Variants in LIN7C observed in about 807,000 individuals in gnomAD.
The protein encoded by LIN7C is lin-7 cell polarity scaffold C.
A neutral mutation model predicts 24.7 loss-of-function variants in LIN7C; 17 were observed. That is an observed-to-expected ratio of 0.69 (90% CI 0.47 to 1.03). LIN7C has a LOEUF of 1.03. Among genes scored for constraint, LIN7C ranks in the 50% least tolerant of loss-of-function variants. The probability of loss-of-function intolerance (pLI) is 0.00; values close to 1 mark genes in which losing one functional copy is unlikely to be tolerated. For synonymous variants in LIN7C, 90 were observed against 83.4 expected (o/e 1.08, Z -0.43); for missense variants, 204 against 239.0 (o/e 0.85, Z 0.97).
chr11:27,500,057 G>A (rs973776417), intron 3 of LIN7C, among the ~76,000 whole-genome samples: 3 of 152,128 alleles, frequency 2.0e-5, no homozygotes, highest in Non-Finnish European at 4.4e-5. Context: ...GAATAATTTC[G>A]AGTTATGCAG....
At chr11:27,500,239 G>A (rs1361927936) in intron 3 of LIN7C, among the ~76,000 whole-genome samples, 1 of 152,120 alleles carries the variant, frequency 6.6e-6, no homozygotes, top group Admixed American at 6.5e-5. Flanking sequence ...GCAGCCCTGG[G>A]CTTTAGATCT....
In LIN7C at chr11:27,498,936, A is replaced by G. The variant is rs551840869; in HGVS notation, c.439-132T>C. 291 of 763,944 alleles carry G rather than the reference A, an allele frequency of 3.8e-4. 5 individuals are homozygous for G. The South Asian group carries it at 4.9e-3, about 13-fold the overall frequency. The allele number at this position is 763,944 out of a possible 1,614,324, so 47.3% of individuals were successfully genotyped here. ...TATATTATTCCAACATTACAAAACT[A>G]AGAAATAATCCTGCCTTACCATTTT... On this transcript the variant is annotated intron_variant, in intron 4 of 4. Transcript: ENST00000278193.
chr11:27,499,500 T>C lies in LIN7C; in HGVS notation c.297A>G (p.Thr99=). Reference sequence around the variant, plus strand: ...TAATATTGAATCCAAGGCCCTCTTCTGTTTTTGGTAGCTCAACAACTCGAG... The same window carrying C: ...TAATATTGAATCCAAGGCCCTCTTCCGTTTTTGGTAGCTCAACAACTCGAG... ...SHPRVVELPK[T]EEGLGFNIMG... is the part of the protein sequence containing the mutation. Residue 99 remains threonine, a synonymous_variant, in exon 4 of 5, where the codon ACA becomes ACG. Coordinates refer to ENST00000278193, the MANE Select transcript of LIN7C (RefSeq NM_018362.4). The C allele has an allele frequency of 1.2e-6, 2 of 1,614,240 alleles. No individual in the cohort carries two copies. The highest frequency in any genetic ancestry group is 2.2e-5 in the East Asian group (1 of 44,884).
chr11:27,500,963 T>C, intron 3 of LIN7C, among the ~76,000 whole-genome samples: 1 of 152,100 alleles, frequency 6.6e-6, no homozygotes, highest in African/African-American at 2.4e-5. Context: ...TCAAACCCCC[T>C]ATCATGAATA....
In LIN7C at chr11:27,499,539, T is replaced by G; in HGVS notation, c.258A>C (p.Glu86Asp). The G allele has an allele frequency of 3.1e-6, 5 of 1,614,224 alleles. No homozygotes were observed. The highest frequency in any genetic ancestry group is 4.2e-6 in the Non-Finnish European group (5 of 1,180,032). ...KATVAAFAAS[E>D]GHSHPRVVEL... ...CAACAACTCGAGGATGAGAATGTCC[T>G]TCACTGGCAGCAAATGCAGCAACAG... Residue 86 changes from glutamate (E) to aspartate (D), a missense_variant, in exon 4 of 5, where the codon GAA becomes GAC. Coordinates refer to ENST00000278193, the MANE Select transcript of LIN7C (RefSeq NM_018362.4).
chr11:27,496,799 C>T lies in LIN7C; in HGVS notation c.*1850G>A, dbSNP rs1865175073. 2 of 152,184 alleles carry T rather than the reference C, an allele frequency of 1.3e-5. No individual in the cohort carries two copies. Among genetic ancestry groups the T allele is most frequent in the African/African-American group, 4.8e-5 (2 of 41,450 alleles). The allele number at this position is 152,184 out of a possible 1,614,324, so 9.4% of individuals were successfully genotyped here. A position where few individuals can be genotyped will look rare whatever the true frequency, so the allele number is the denominator to read the frequency against. On this transcript the variant is annotated 3_prime_UTR_variant, in exon 5 of 5. Coordinates refer to ENST00000278193, the MANE Select transcript of LIN7C (RefSeq NM_018362.4). The stretch of plus-strand genomic sequence containing the variant: ...AATGTTGATACATACTTAAAAGCTA[C>T]TGCAGCTGTAGCTATACTAAAATAA...
chr11:27,498,644 AT>A lies in LIN7C; in HGVS notation c.*4del. The A allele has an allele frequency of 6.2e-7, 1 of 1,601,856 alleles. No individual in the cohort carries two copies. Among genetic ancestry groups the A allele is most frequent in the Non-Finnish European group, 8.5e-7 (1 of 1,175,176 alleles). On this transcript the variant is annotated 3_prime_UTR_variant, in exon 5 of 5. Coordinates refer to ENST00000278193, the MANE Select transcript of LIN7C (RefSeq NM_018362.4). The stretch of plus-strand genomic sequence containing the variant: ...GCAAAATGAAATATCAAGTTTTGAA[AT>A]GTATTAGGTCTGTTGCCTGCGTTTT...
At chr11:27,506,180 T>C (rs778340309) in intron 1 of LIN7C, among the ~76,000 whole-genome samples, 2 of 152,212 alleles carry the variant, frequency 1.3e-5, no homozygotes, top group Non-Finnish European at 2.9e-5. Flanking sequence ...GGATTGTTTT[T>C]AAAGCAACCT....
At chr11:27,499,831 A>G (rs557594066) in intron 3 of LIN7C, among the ~76,000 whole-genome samples, 35 of 152,146 alleles carry the variant, frequency 2.3e-4, no homozygotes, top group African/African-American at 7.9e-4. Flanking sequence ...GTTTCACCAC[A>G]TTAGCCAGGA....
At chr11:27,501,012 C>T (rs1446291512) in intron 3 of LIN7C, among the ~76,000 whole-genome samples, 1 of 152,042 alleles carries the variant, frequency 6.6e-6, no homozygotes, top group Admixed American at 6.5e-5. Context: ...AAAACAATGG[C>T]ACAGAAATGC....
At chr11:27,504,867 A>AGTTG (rs1486021787) in intron 1 of LIN7C, among the ~76,000 whole-genome samples, 1 of 152,180 alleles carries the variant, frequency 6.6e-6, no homozygotes, top group African/African-American at 2.4e-5. Flanking sequence ...TTCAATCTGC[A>AGTTG]GTTGGTTGAA....
At chr11:27,506,644 C>T (rs1483719765) in intron 1 of LIN7C, 72 bp downstream of exon 1, 7 of 1,552,448 alleles carry the variant, frequency 4.5e-6, no homozygotes, top group South Asian at 1.1e-5. Flanking sequence ...TGGGTCACTC[C>T]TCCTCCCCTC....
In LIN7C at chr11:27,495,950, A is replaced by G. The variant is rs1457798934; in HGVS notation, c.*2699T>C. On this transcript the variant is annotated 3_prime_UTR_variant, in exon 5 of 5. Transcript: ENST00000278193. ...CCACTGTGTTCCAGCCTGGGAGACA[A>G]AGCAAGATCCTGTCTCTTTTAAAAC... 1 of 151,748 alleles carries G rather than the reference A, an allele frequency of 6.6e-6. No individual in the cohort carries two copies. Among genetic ancestry groups the G allele is most frequent in the Non-Finnish European group, 1.5e-5 (1 of 67,944 alleles). The allele number at this position is 151,748 out of a possible 1,614,324, so 9.4% of individuals were successfully genotyped here.
Position 27,501,917 on chromosome 11 carries a change from A to G in LIN7C, c.41T>C (p.Ile14Thr). The G allele has an allele frequency of 6.4e-7, 1 of 1,566,082 alleles. No individual in the cohort carries two copies. Among genetic ancestry groups the G allele is most frequent in the Non-Finnish European group, 8.8e-7 (1 of 1,136,850 alleles). Residue 14 changes from isoleucine (I) to threonine (T), a missense_variant, in exon 2 of 5, where the codon ATT (isoleucine) becomes ACT (threonine). Ile to Thr is a moderately conservative substitution (Grantham distance 89, BLOSUM62 -1). Transcript: ENST00000278193. ...TTCCAATAATTCAATTGCTCTACAAATATCTAGAGTTAAACACACACACAG... is the reference window on the plus strand; with the variant it reads ...TTCCAATAATTCAATTGCTCTACAAGTATCTAGAGTTAAACACACACACAG... Reference protein sequence around the residue: ...LGEPVRLERDICRAIELLEKL... With the variant: ...LGEPVRLERDTCRAIELLEKL...
chr11:27,498,531 G>T lies in LIN7C; in HGVS notation c.*118C>A. 1.1e-6 allele frequency: 1 copy of T among 930,198 alleles called. No homozygotes were observed. The highest frequency in any genetic ancestry group is 1.6e-6 in the Non-Finnish European group (1 of 611,352). 57.6% of individuals were successfully genotyped at this position (930,198 alleles called of 1,614,324 possible). A position where few individuals can be genotyped will look rare whatever the true frequency, so the allele number is the denominator to read the frequency against. ...ATAGGCATTTATAAAATGACAAGGA[G>T]AATTTCATGATAAATTTGTTTGTTT... On this transcript the variant is annotated 3_prime_UTR_variant, in exon 5 of 5. Transcript: ENST00000278193.
intron 3 of LIN7C, among the ~76,000 whole-genome samples, chr11:27,500,859 G>A (rs772724758): frequency 6.6e-6 from 1 of 152,080 alleles, no homozygotes. Flanking sequence ...ATTCAACAAA[G>A]AATCCACCAT....
rs1865199731 is a variant in LIN7C at position 27,499,382 on chromosome 11, G to T, written c.415C>A (p.Gln139Lys). 6.2e-7 allele frequency: 1 copy of T among 1,613,900 alleles called. No individual in the cohort carries two copies. The highest frequency in any genetic ancestry group is 1.7e-5 in the Admixed American group (1 of 60,014). Residue 139 changes from glutamine to lysine, a missense_variant, in exon 4 of 5, where the codon CAA becomes AAA. By Grantham distance (53) the Gln-to-Lys change is moderately conservative. This residue lies in a region of LIN7C where 74 missense variants were observed against 99.6 expected (regional missense o/e 0.74). Coordinates refer to ENST00000278193, the MANE Select transcript of LIN7C (RefSeq NM_018362.4). ...DRHGGLKRGDQLLSVNGVSVE... is the reference protein window; with the variant it reads ...DRHGGLKRGDKLLSVNGVSVE... ...ACCACTCCATTAACAGAGAGGAGTT[G>T]ATCTCCACGTTTGAGGCCCCCATGT...
chr11:27,499,422 A>G lies in LIN7C; in HGVS notation c.375T>C (p.Gly125=). The G allele has an allele frequency of 6.2e-7, 1 of 1,613,960 alleles. No individual in the cohort carries two copies. The highest frequency in any genetic ancestry group is 8.5e-7 in the Non-Finnish European group (1 of 1,179,978). ...GGCCCCCATGTCTATCAGCAATTCC[A>G]CCTGGAATTATTCGGGATATATAGA... is the stretch of plus-strand genomic sequence containing the variant. ...SPIYISRIIP[G]GIADRHGGLK... The change falls in exon 4 of 5, where the codon GGT becomes GGC. Residue 125 remains glycine (G), a synonymous_variant. Coordinates refer to ENST00000278193, the MANE Select transcript of LIN7C (RefSeq NM_018362.4).
Position 27,501,873 on chromosome 11 carries a change from C to T in LIN7C, c.85G>A (p.Glu29Lys), listed in dbSNP as rs748906571. The T allele has an allele frequency of 1.2e-6, 2 of 1,612,912 alleles. No individual in the cohort carries two copies. The highest frequency in any genetic ancestry group is 8.5e-7 in the Non-Finnish European group (1 of 1,178,934). The change falls in exon 2 of 5, where the codon GAA (glutamate) becomes AAA (lysine). Residue 29 changes from glutamate (E) to lysine (K), a missense_variant. Transcript: ENST00000278193. ...GCCTGAAGTTTCTGTGGTGGTACTT[C>T]TCCACTCCTTTGTAGTTTTTCCAAT... is the stretch of plus-strand genomic sequence containing the variant. ...ELLEKLQRSG[E>K]VPPQKLQALQ...
Sources: gnomAD v4.1 joint callset for allele counts (sites outside exome capture counted in the v4.1 genomes callset) on GRCh38, gnomAD v4.1.1 for gene constraint, gnomAD v4.1.1 regional missense constraint, MANE v1.5 for transcripts, NCBI Gene and HGNC (gene_info 2026-07-23, HGNC 2026-07-21) for gene names.